The following TCEANC2 variants were observed in gnomAD, a reference collection of about 807,000 sequenced individuals.
The protein encoded by TCEANC2 is transcription elongation factor A N-terminal and central domain-containing protein 2.
Under a neutral mutation model 22.8 loss-of-function variants are expected in TCEANC2, and 20 were observed. The observed-to-expected ratio is 0.88, with a 90% CI of 0.62 to 1.28. The LOEUF (loss-of-function observed/expected upper bound fraction) is 1.28. Ranked by LOEUF, TCEANC2 falls within the 50% of genes most tolerant of loss-of-function variation. The pLI, the probability that TCEANC2 is intolerant of heterozygous loss-of-function variation, is 0.00. For missense variants in TCEANC2, 251 were observed against 249.7 expected (o/e 1.01, Z -0.03); for synonymous variants, 84 against 95.5 (o/e 0.88, Z 0.70).
intron 4 of TCEANC2, among the ~76,000 whole-genome samples, chr1:54,094,855 T>C (rs1461861846): frequency 3.3e-5 from 5 of 152,158 alleles, no homozygotes; most frequent in African/African-American, 1.2e-4. Flanking sequence ...ATATAGATCA[T>C]TGGCTGGGTG....
chr1:54,071,948 A>C (rs751604708), intron 3 of TCEANC2, among the ~76,000 whole-genome samples: 1 of 151,878 alleles, frequency 6.6e-6, no homozygotes, highest in Non-Finnish European at 1.5e-5. Flanking sequence ...AGTAGGTAGG[A>C]CTGCGGGTAT....
chr1:54,057,699 A>G (rs1657780286), intron 2 of TCEANC2, among the ~76,000 whole-genome samples: 1 of 152,180 alleles, frequency 6.6e-6, no homozygotes, highest in Admixed American at 6.5e-5. Context: ...TACTCAGGTC[A>G]CTTTCCTGCC....
chr1:54,087,962 A>G (rs1465358141), intron 3 of TCEANC2, among the ~76,000 whole-genome samples: 1 of 152,208 alleles, frequency 6.6e-6, no homozygotes, highest in East Asian at 1.9e-4. Context: ...TTTGGGGAAG[A>G]GGATAAGACT....
intron 2 of TCEANC2, among the ~76,000 whole-genome samples, chr1:54,066,871 G>A (rs995722189): frequency 2.8e-4 from 42 of 152,198 alleles, no homozygotes; most frequent in African/African-American, 9.4e-4. Context: ...CCTAAAGACC[G>A]AGAACAAAGC....
chr1:54,069,620 A>G (rs1022898380), intron 3 of TCEANC2, among the ~76,000 whole-genome samples: 11 of 151,704 alleles, frequency 7.3e-5, no homozygotes, highest in South Asian at 2.1e-4. Flanking sequence ...AAAAAAAAAA[A>G]GAAACTTAGA....
intron 2 of TCEANC2, among the ~76,000 whole-genome samples, chr1:54,055,209 C>T (rs1657727097): frequency 6.6e-6 from 1 of 152,166 alleles, no homozygotes; most frequent in African/African-American, 2.4e-5. Context: ...AAATGATCCA[C>T]CCGCCTCTTG....
Position 54,053,746 on chromosome 1 carries a change from G to T in TCEANC2, c.-55G>T, listed in dbSNP as rs557106687. The T allele has an allele frequency of 6.5e-6, 1 of 153,604 alleles. No homozygotes were observed. The highest frequency in any genetic ancestry group is 1.5e-5 in the Non-Finnish European group (1 of 68,736). The allele number at this position is 153,604 out of a possible 1,614,324, so 9.5% of individuals were successfully genotyped here. ...GAGGGCGCCAACAGCAGCTACCAGG[G>T]CTGCTTTTCCTGGTGGGTCTCACGT... is the stretch of plus-strand genomic sequence containing the variant. On this transcript the variant is annotated 5_prime_UTR_variant, in exon 1 of 5. Transcript: ENST00000234827.
At chr1:54,062,239 C>T (rs1254873473) in intron 2 of TCEANC2, among the ~76,000 whole-genome samples, 2 of 152,208 alleles carry the variant, frequency 1.3e-5, no homozygotes, top group African/African-American at 4.8e-5. Context: ...TATTGGAAAG[C>T]ACATCTTCTT....
chr1:54,084,748 G>A (rs1422554154), intron 3 of TCEANC2, among the ~76,000 whole-genome samples: 1 of 151,924 alleles, frequency 6.6e-6, no homozygotes, highest in Non-Finnish European at 1.5e-5. Context: ...CTCCGGCCTG[G>A]GTGACAGAGC....
intron 3 of TCEANC2, among the ~76,000 whole-genome samples, chr1:54,080,200 G>A (rs538340184): frequency 6.6e-6 from 1 of 151,424 alleles, no homozygotes; most frequent in South Asian, 2.1e-4. Flanking sequence ...CTGGAGTCCG[G>A]TGGTGCGATC....
At position 54,068,806 on chromosome 1, in the gene TCEANC2, T is replaced by G; in HGVS notation, c.153T>G (p.Leu51=). The part of the protein sequence containing the change: ...DIKRWKTMLE[L]PDQTKENLVE... ...AAAGATGGAAAACTATGCTGGAGCTTCCTGATCAAACCAAAGAGAATCTTG... is the reference window on the plus strand; with the variant it reads ...AAAGATGGAAAACTATGCTGGAGCTGCCTGATCAAACCAAAGAGAATCTTG... The change falls in exon 3 of 5, where the codon CTT becomes CTG. Residue 51 remains leucine (L), a synonymous_variant. Transcript: ENST00000234827. The G allele has an allele frequency of 6.2e-7, 1 of 1,612,658 alleles. No homozygotes were observed.
In TCEANC2 at chr1:54,086,552, A is replaced by T. The variant is rs138203121; in HGVS notation, c.245-2045A>T. ...ATGCTCAAAAGTAAAGAGATAAAAA[A>T]TAAAATGTTTTAAGAGCTGCAAGTA... On this transcript the variant is annotated intron_variant, in intron 3 of 4. Transcript: ENST00000234827. Among the ~76,000 whole-genome samples, 18 of 152,354 alleles carry T rather than the reference A, an allele frequency of 1.2e-4. No homozygotes were observed. In the East Asian group the frequency reaches 3.5e-3, roughly 29 times the overall value.
At chr1:54,090,167 G>C (rs1658415519) in intron 4 of TCEANC2, 2 of 348,492 alleles carry the variant, frequency 5.7e-6, no homozygotes, top group South Asian at 6.5e-5. Flanking sequence ...TTAAAGCACT[G>C]TGTACCCATT....
rs996358174 is a variant in TCEANC2, at chr1:54,100,307, T to A, written c.*3834T>A. ...AGGTCTTGGTCCTCTGTGTAGGGACTCAGTCTCTGTATTTTCATTCATTCA... is the reference window on the plus strand; with the variant it reads ...AGGTCTTGGTCCTCTGTGTAGGGACACAGTCTCTGTATTTTCATTCATTCA... On this transcript the variant is annotated 3_prime_UTR_variant, in exon 5 of 5. Transcript: ENST00000234827. The A allele has an allele frequency of 8.6e-5, 13 of 151,860 alleles. No individual in the cohort carries two copies. The highest frequency in any genetic ancestry group is 5.3e-4 in the Admixed American group (8 of 15,238). The allele number at this position is 151,860 out of a possible 1,614,324, so 9.4% of individuals were successfully genotyped here.
intron 3 of TCEANC2, among the ~76,000 whole-genome samples, chr1:54,074,459 T>A: frequency 6.6e-6 from 1 of 150,396 alleles, no homozygotes; most frequent in African/African-American, 2.5e-5. Flanking sequence ...CGAGACTCCG[T>A]CTCAAAAAAA....
intron 4 of TCEANC2, among the ~76,000 whole-genome samples, chr1:54,095,813 G>A (rs1168588119): frequency 6.6e-6 from 1 of 152,016 alleles, no homozygotes; most frequent in Non-Finnish European, 1.5e-5. Context: ...TCTGTAAAAT[G>A]TGATAATAGG....
chr1:54,091,687 A>G (rs1407839499), intron 4 of TCEANC2, among the ~76,000 whole-genome samples: 1 of 152,128 alleles, frequency 6.6e-6, no homozygotes, highest in East Asian at 1.9e-4. Context: ...GATGAATAAA[A>G]ACTCCATCGT....
intron 3 of TCEANC2, among the ~76,000 whole-genome samples, chr1:54,072,477 A>G (rs1327675951): frequency 3.3e-5 from 5 of 151,184 alleles, no homozygotes; most frequent in Non-Finnish European, 7.4e-5. Context: ...GCTCACTACA[A>G]CCTCTGCCTC....
chr1:54,091,026 A>G (rs1382479900), intron 4 of TCEANC2, among the ~76,000 whole-genome samples: 1 of 152,148 alleles, frequency 6.6e-6, no homozygotes, highest in Non-Finnish European at 1.5e-5. Flanking sequence ...TAAAAAAGTG[A>G]TATGTTTGTT....
Sources: allele counts gnomAD v4.1 joint callset (sites outside exome capture counted in the v4.1 genomes callset), GRCh38; gene constraint gnomAD v4.1.1; transcripts MANE v1.5; gene names NCBI Gene and HGNC (gene_info 2026-07-23, HGNC 2026-07-21).